The following UGT1A8 variants were observed in gnomAD, a reference collection of about 807,000 sequenced individuals.
UGT1A8 encodes the protein UDP-glucuronosyltransferase 1A8.
In UGT1A8, 39 loss-of-function variants were observed where a neutral mutation model predicts 45.3. That is an observed-to-expected ratio of 0.86 (90% CI 0.67 to 1.12). UGT1A8 has a LOEUF of 1.12. Ranked by LOEUF, UGT1A8 falls within the 50% of genes most tolerant of loss-of-function variation. UGT1A8 has a pLI of 0.00. For synonymous variants in UGT1A8, 275 were observed against 249.2 expected, an observed-to-expected ratio of 1.10 and a Z score of -0.97; for missense variants, 719 against 664.9, an observed-to-expected ratio of 1.08 and a Z score of -0.90.
At chr2:233,718,427 T>C (rs551386260) in intron 1 of UGT1A8, among the ~76,000 whole-genome samples, 2 of 152,232 alleles carry the variant, frequency 1.3e-5, no homozygotes, top group East Asian at 3.9e-4. Context: ...GAACATGTGG[T>C]TGGGGACTAG....
intron 1 of UGT1A8, among the ~76,000 whole-genome samples, chr2:233,740,349 G>A (rs1165997956): frequency 2.0e-5 from 3 of 151,880 alleles, no homozygotes; most frequent in South Asian, 2.1e-4. Flanking sequence ...ATGAGAAAGT[G>A]GAATTAGAAA....
At chr2:233,760,288 A>G (rs1697385056) in intron 1 of UGT1A8, 1 of 1,613,154 alleles carries the variant, frequency 6.2e-7, no homozygotes, top group Non-Finnish European at 8.5e-7. Context: ...CAAAGGCGCC[A>G]TGGCTGTGGA....
intron 1 of UGT1A8, chr2:233,755,502 C>T (rs1234908381): frequency 5.5e-6 from 1 of 180,326 alleles, no homozygotes; most frequent in Non-Finnish European, 1.2e-5. Flanking sequence ...GCTCCAAGAC[C>T]AGGCCCCGCC....
chr2:233,760,336 C>A (rs1472715638), intron 1 of UGT1A8: 1 of 1,614,048 alleles, frequency 6.2e-7, no homozygotes. Context: ...GGGCCTGCTG[C>A]TGTGTGTGCT....
chr2:233,647,991 G>A (rs535285811), intron 1 of UGT1A8: 424 of 1,607,716 alleles, frequency 2.6e-4, no homozygotes, highest in Middle Eastern at 2.1e-3. Context: ...TTCTCAGGGG[G>A]CATGAGGTGG....
chr2:233,634,163 G>A (rs971064920), intron 1 of UGT1A8, among the ~76,000 whole-genome samples: 4 of 152,218 alleles, frequency 2.6e-5, no homozygotes, highest in African/African-American at 9.6e-5. Context: ...ATTGCACTGT[G>A]ATCTAAGAGA....
chr2:233,698,618 C>A (rs1394029737), intron 1 of UGT1A8, among the ~76,000 whole-genome samples: 6 of 152,174 alleles, frequency 3.9e-5, no homozygotes, highest in Non-Finnish European at 7.4e-5. Flanking sequence ...CAGTGGAATT[C>A]AATTTTGCCT....
chr2:233,626,896 C>T (rs886707887), intron 1 of UGT1A8, among the ~76,000 whole-genome samples: 9 of 152,198 alleles, frequency 5.9e-5, no homozygotes, highest in African/African-American at 2.2e-4. Flanking sequence ...ACTGGCAATG[C>T]ATTTTCTGCC....
At position 233,626,542 on chromosome 2, in the gene UGT1A8, C is replaced by T. The variant is rs145036280; in HGVS notation, c.855+7980C>T. The stretch of plus-strand genomic sequence containing the variant: ...CTGTCTTAAATCCTGTGAAGTCATT[C>T]GCAACATCTGGTCACAGTTTTCTCC... On this transcript the variant is annotated intron_variant, in intron 1 of 4. Transcript: ENST00000373450. Among the ~76,000 whole-genome samples the T allele has an allele frequency of 2.4e-3, 371 of 152,110 alleles. 2 individuals are homozygous for T. In the Middle Eastern group the frequency reaches 0.044, roughly 18 times the overall value.
intron 1 of UGT1A8, chr2:233,741,756 G>A (rs1189560156): frequency 1.3e-5 from 2 of 151,848 alleles, no homozygotes; most frequent in Non-Finnish European, 2.9e-5. Context: ...GTTGGTTAAT[G>A]ATGTGTTCAG....
chr2:233,661,635 C>CTTTCTTTCTTTCT (rs1553602642), intron 1 of UGT1A8, among the ~76,000 whole-genome samples: 34 of 82,722 alleles, frequency 4.1e-4, no homozygotes, highest in South Asian at 1.3e-3. Context: ...TTCTTTCTTT[C>CTTTCTTTCTTTCT]TTTCTTTCTT....
intron 1 of UGT1A8, chr2:233,750,478 T>A (rs1694468358): frequency 1.3e-5 from 2 of 151,902 alleles, no homozygotes. Context: ...GCTATAGAAA[T>A]TTGCATAAGT....
chr2:233,682,317 T>C (rs770134908), intron 1 of UGT1A8: 3 of 1,614,198 alleles, frequency 1.9e-6, no homozygotes, highest in Non-Finnish European at 2.5e-6. Flanking sequence ...TGCAGGAGTT[T>C]GTTTAATGAC....
At chr2:233,698,734 C>T (rs2075459166) in intron 1 of UGT1A8, among the ~76,000 whole-genome samples, 2 of 152,196 alleles carry the variant, frequency 1.3e-5, no homozygotes, top group African/African-American at 4.8e-5. Context: ...AGCTTGGTGA[C>T]CATTTTTTAC....
intron 1 of UGT1A8, among the ~76,000 whole-genome samples, chr2:233,642,068 C>T (rs1485278827): frequency 6.6e-6 from 1 of 152,144 alleles, no homozygotes; most frequent in Admixed American, 6.5e-5. Context: ...GGAAAGTTTT[C>T]TGTTATTATC....
chr2:233,701,424 A>G (rs2075626860), intron 1 of UGT1A8, among the ~76,000 whole-genome samples: 1 of 152,170 alleles, frequency 6.6e-6, no homozygotes, highest in South Asian at 2.1e-4. Context: ...TGTCAACATT[A>G]GACAGATCAA....
At chr2:233,716,310 C>G (rs1253519294) in intron 1 of UGT1A8, among the ~76,000 whole-genome samples, 4 of 152,212 alleles carry the variant, frequency 2.6e-5, no homozygotes, top group African/African-American at 9.7e-5. Flanking sequence ...TCTCTTCCAC[C>G]TGTAATGGAA....
chr2:233,704,566 C>T (rs1174426546), intron 1 of UGT1A8, among the ~76,000 whole-genome samples: 1 of 152,028 alleles, frequency 6.6e-6, no homozygotes, highest in Non-Finnish European at 1.5e-5. Flanking sequence ...TATAAATACA[C>T]ATGCTTTCAA....
At chr2:233,728,228 C>T (rs1162428400) in intron 1 of UGT1A8, among the ~76,000 whole-genome samples, 1 of 152,188 alleles carries the variant, frequency 6.6e-6, no homozygotes. Flanking sequence ...CCATAATCTT[C>T]AGGATGAAAT....
Sources: allele counts gnomAD v4.1 joint callset (sites outside exome capture counted in the v4.1 genomes callset), GRCh38; gene constraint gnomAD v4.1.1; transcripts MANE v1.5; gene names NCBI Gene and HGNC (gene_info 2026-07-23, HGNC 2026-07-21).